The following PTPRO variants were observed in gnomAD, a reference collection of about 807,000 sequenced individuals.
The protein encoded by PTPRO is protein tyrosine phosphatase receptor type O, also known as receptor-type tyrosine-protein phosphatase O.
Under a neutral mutation model 145.2 loss-of-function variants are expected in PTPRO, and 62 were observed. The ratio of observed to expected loss-of-function variants is 0.43; its 90% CI spans 0.35 to 0.53. The LOEUF (loss-of-function observed/expected upper bound fraction) is 0.53. Among genes scored for constraint, PTPRO ranks in the 20% least tolerant of loss-of-function variants. PTPRO has a pLI of 0.01. For synonymous variants in PTPRO, 565 were observed against 514.7 expected, an observed-to-expected ratio of 1.10 and a Z score of -1.32; for missense variants, 1,345 against 1,482.7, an observed-to-expected ratio of 0.91 and a Z score of 1.53.
intron 1 of PTPRO, among the ~76,000 whole-genome samples, chr12:15,478,090 C>A (rs532151092): frequency 1.3e-5 from 2 of 152,116 alleles, no homozygotes; most frequent in Non-Finnish European, 2.9e-5. Flanking sequence ...ACTATTGATT[C>A]GACACCCCCT....
chr12:15,421,690 A>T (rs1177151417), intron 1 of PTPRO, among the ~76,000 whole-genome samples: 1 of 152,176 alleles, frequency 6.6e-6, no homozygotes, highest in East Asian at 1.9e-4. Flanking sequence ...GTCTGTGTCT[A>T]TTTCTCATTT....
intron 3 of PTPRO, among the ~76,000 whole-genome samples, chr12:15,498,292 C>T (rs559132998): frequency 2.6e-5 from 4 of 152,292 alleles, no homozygotes; most frequent in African/African-American, 7.2e-5. Context: ...TGGTGGCTCA[C>T]GCCTGTAATC....
chr12:15,466,303 C>T (rs570548360), intron 1 of PTPRO, among the ~76,000 whole-genome samples: 1 of 151,916 alleles, frequency 6.6e-6, no homozygotes, highest in Non-Finnish European at 1.5e-5. Flanking sequence ...ATTTTAATAG[C>T]GCAAGAAGTA....
intron 1 of PTPRO, among the ~76,000 whole-genome samples, chr12:15,368,677 A>T (rs1223907664): frequency 6.6e-6 from 1 of 152,224 alleles, no homozygotes; most frequent in African/African-American, 2.4e-5. Context: ...TTTATCCTCT[A>T]GATAAATTTC....
In PTPRO at chr12:15,515,574, GC is replaced by G; in HGVS notation, c.1544del (p.Pro515LeufsTer2). On this transcript the variant is annotated frameshift_variant, in exon 8 of 27. Transcript: ENST00000281171. LOFTEE classifies it high-confidence loss of function. ...CAGGTTGTAATATACCTAAGGAAAG[GC>G]CCTTTGATTGGACCACCTTCAGATC... ...QYQVVIYLRK[G>X]PLIGPPSDPV... The G allele has an allele frequency of 1.2e-6, 2 of 1,613,940 alleles. No homozygotes were observed. The highest frequency in any genetic ancestry group is 1.7e-6 in the Non-Finnish European group (2 of 1,179,966).
chr12:15,549,212 C>A lies in PTPRO; in HGVS notation c.2423C>A (p.Ala808Asp). The change falls in exon 14 of 27, where the codon GCC becomes GAC. Residue 808 changes from alanine to aspartate, a missense_variant. Ala to Asp is a moderately radical substitution (Grantham distance 126, BLOSUM62 -2). Coordinates refer to ENST00000281171, the MANE Select transcript of PTPRO (RefSeq NM_030667.3). ...AGCCCCAGTGTCCCTACGTTCATAG[C>A]CGTCTCAACAATGGGTAATTATACA... ...HDSPSVPTFI[A>D]VSTMVTEMNP... 1 of 1,607,346 alleles carries A rather than the reference C, an allele frequency of 6.2e-7. No individual in the cohort carries two copies. The highest frequency in any genetic ancestry group is 8.5e-7 in the Non-Finnish European group (1 of 1,178,454).
rs78129212 is a variant in PTPRO at position 15,494,853 on chromosome 12, A to G, written c.350-2392A>G. ...GAAGAAACCCTGATGAGGATGTGAA[A>G]CAGGACTGCAGCAGTGAAGGAGTTA... On this transcript the variant is annotated intron_variant, in intron 2 of 26. Transcript: ENST00000281171. 5.2e-3 allele frequency among the ~76,000 whole-genome samples: 788 copies of G among 152,292 alleles called. 54 individuals are homozygous for G. In the East Asian group the frequency reaches 0.14, roughly 26 times the overall value.
At chr12:15,449,034 C>A (rs1940980673) in intron 1 of PTPRO, among the ~76,000 whole-genome samples, 1 of 149,758 alleles carries the variant, frequency 6.7e-6, no homozygotes, top group African/African-American at 2.5e-5. Context: ...AATTGAGCAA[C>A]AAACGATTCG....
chr12:15,368,061 C>T (rs1393974627), intron 1 of PTPRO, among the ~76,000 whole-genome samples: 2 of 152,202 alleles, frequency 1.3e-5, no homozygotes, highest in Admixed American at 6.5e-5. Context: ...TTAGTAGCTT[C>T]GCTTCCCATT....
At chr12:15,344,474 T>C (rs1049356641) in intron 1 of PTPRO, among the ~76,000 whole-genome samples, 1 of 152,234 alleles carries the variant, frequency 6.6e-6, no homozygotes, top group Non-Finnish European at 1.5e-5. Context: ...ATCTTCCTCC[T>C]AACTCAGCCA....
intron 2 of PTPRO, among the ~76,000 whole-genome samples, chr12:15,495,027 T>A (rs939886088): frequency 6.6e-6 from 1 of 152,150 alleles, no homozygotes; most frequent in Admixed American, 6.5e-5. Context: ...TTTGGGAGTT[T>A]TGAACTCAAA....
chr12:15,418,720 C>T (rs1028291298), intron 1 of PTPRO, among the ~76,000 whole-genome samples: 4 of 151,702 alleles, frequency 2.6e-5, no homozygotes, highest in African/African-American at 4.9e-5. Context: ...GTGTGCCATA[C>T]GTCAGCCAAA....
intron 1 of PTPRO, among the ~76,000 whole-genome samples, chr12:15,339,698 A>G (rs966557901): frequency 6.6e-6 from 1 of 152,182 alleles, no homozygotes; most frequent in African/African-American, 2.4e-5. Flanking sequence ...ATTTTTTCAG[A>G]GACAAGTTGT....
chr12:15,449,227 T>G (rs894200224), intron 1 of PTPRO, among the ~76,000 whole-genome samples: 1 of 152,202 alleles, frequency 6.6e-6, no homozygotes, highest in African/African-American at 2.4e-5. Flanking sequence ...GTTTGAACAC[T>G]TAGCAGTCTA....
intron 7 of PTPRO, among the ~76,000 whole-genome samples, chr12:15,514,965 A>G (rs1395257512): frequency 1.3e-5 from 2 of 151,396 alleles, no homozygotes; most frequent in Non-Finnish European, 2.9e-5. Context: ...GGGTTTCACT[A>G]TGTTCGTCAG....
chr12:15,590,955 A>G (rs1219691287), intron 25 of PTPRO, among the ~76,000 whole-genome samples: 1 of 152,208 alleles, frequency 6.6e-6, no homozygotes, highest in Non-Finnish European at 1.5e-5. Context: ...TTGATATGTG[A>G]TTAAAAATCC....
intron 8 of PTPRO, 126 bp downstream of exon 8, chr12:15,515,744 T>A: frequency 8.2e-7 from 1 of 1,225,112 alleles, no homozygotes; most frequent in South Asian, 1.2e-5. Flanking sequence ...TCCAATATGC[T>A]ACCTTCAGAG....
chr12:15,545,495 AG>A (rs1943265753), intron 12 of PTPRO, among the ~76,000 whole-genome samples: 1 of 150,806 alleles, frequency 6.6e-6, no homozygotes, highest in African/African-American at 2.4e-5. Context: ...GAAGACCAGG[AG>A]ACATTCAGGA....
chr12:15,413,072 C>T lies in PTPRO; in HGVS notation c.76-70902C>T, dbSNP rs555829456. On this transcript the variant is annotated intron_variant, in intron 1 of 26. Coordinates refer to ENST00000281171, the MANE Select transcript of PTPRO (RefSeq NM_030667.3). The stretch of plus-strand genomic sequence containing the variant: ...CCTCCCAAAGTGTTGGGATCACAGG[C>T]GTGAGCCACCATGCCCGGCCTTGTT... Among the ~76,000 whole-genome samples, 10 of 152,152 alleles carry T rather than the reference C, an allele frequency of 6.6e-5. No individual in the cohort carries two copies. In the South Asian group the frequency reaches 8.3e-4, roughly 13 times the overall value.
Sources: gnomAD v4.1 joint callset for allele counts (sites outside exome capture counted in the v4.1 genomes callset) on GRCh38, gnomAD v4.1.1 for gene constraint, MANE v1.5 for transcripts, NCBI Gene and HGNC (gene_info 2026-07-23, HGNC 2026-07-21) for gene names.